The following RSPH14 variants were observed in gnomAD, a reference collection of about 807,000 sequenced individuals.
RSPH14 encodes rhabdoid tumor deletion region gene 1.
Under a neutral mutation model 26.7 loss-of-function variants are expected in RSPH14, and 20 were observed. That is an observed-to-expected ratio of 0.75 (90% CI 0.53 to 1.09). RSPH14 has a LOEUF of 1.09. Among genes scored for constraint, RSPH14 ranks in the 50% least tolerant of loss-of-function variants. The pLI is 0.00. For missense variants in RSPH14, 449 were observed against 457.2 expected, an observed-to-expected ratio of 0.98 and a Z score of 0.16; for synonymous variants, 177 against 189.3, an observed-to-expected ratio of 0.93 and a Z score of 0.53.
At chr22:23,081,470 T>G (rs2068675564) in intron 4 of RSPH14, among the ~76,000 whole-genome samples, 1 of 152,182 alleles carries the variant, frequency 6.6e-6, no homozygotes, top group Non-Finnish European at 1.5e-5. Flanking sequence ...CAGGTTTGAT[T>G]GCAACTTTTA....
At chr22:23,106,554 C>T (rs2069483482) in intron 4 of RSPH14, among the ~76,000 whole-genome samples, 1 of 152,178 alleles carries the variant, frequency 6.6e-6, no homozygotes, top group Non-Finnish European at 1.5e-5. Context: ...CCCAGCAGCA[C>T]AGTTCCTGAG....
At chr22:23,090,925 G>A (rs991887840) in intron 4 of RSPH14, among the ~76,000 whole-genome samples, 4 of 152,174 alleles carry the variant, frequency 2.6e-5, no homozygotes, top group African/African-American at 9.7e-5. Context: ...CAGAATCAAA[G>A]CCATGGTTTA....
chr22:23,132,458 G>A (rs1006014332), intron 4 of RSPH14, among the ~76,000 whole-genome samples: 5 of 152,202 alleles, frequency 3.3e-5, no homozygotes, highest in African/African-American at 1.2e-4. Context: ...GACAGGAACT[G>A]TATGCAACAT....
intron 4 of RSPH14, among the ~76,000 whole-genome samples, chr22:23,133,525 C>T (rs2070403559): frequency 1.3e-5 from 2 of 152,202 alleles, no homozygotes; most frequent in Admixed American, 6.5e-5. Flanking sequence ...GTGGCAGTTA[C>T]ACCACATGTT....
At chr22:23,162,253 C>T in the RSPH14 span, 1 of 221,170 alleles carries the variant, frequency 4.5e-6, no homozygotes, top group South Asian at 7.3e-5. Context: ...TAGGTCCTGC[C>T]CTCCTGGTCC....
chr22:23,158,843 CCT>C, the RSPH14 span: 153 of 1,532,228 alleles, frequency 1.0e-4, no homozygotes, highest in African/African-American at 1.2e-3. Context: ...CCCTCTGCCC[CCT>C]GTTTGGGGTG....
At chr22:23,086,047 T>C (rs1431436911) in intron 4 of RSPH14, among the ~76,000 whole-genome samples, 3 of 152,254 alleles carry the variant, frequency 2.0e-5, no homozygotes, top group African/African-American at 7.2e-5. Flanking sequence ...GCGGTTCCTC[T>C]ACACTGTTTT....
At chr22:23,107,819 C>CCTGCTTATCAAATGCCTCTTCAGTCTGTT (rs1271195806) in intron 4 of RSPH14, among the ~76,000 whole-genome samples, 7 of 152,220 alleles carry the variant, frequency 4.6e-5, no homozygotes, top group African/African-American at 1.7e-4. Context: ...CGGAAGAGCA[C>CCTGCTTATCAAATGCCTCTTCAGTCTGTT]CTGCTTATCA....
At chr22:23,110,277 A>C (rs1354324157) in intron 4 of RSPH14, among the ~76,000 whole-genome samples, 1 of 152,024 alleles carries the variant, frequency 6.6e-6, no homozygotes, top group African/African-American at 2.4e-5. Context: ...TCGTGAGCCC[A>C]GGAGCCTCTC....
chr22:23,059,893 G>A lies in RSPH14; in HGVS notation c.791-175C>T, dbSNP rs903312310. 9.8e-5 allele frequency among the ~76,000 whole-genome samples: 15 copies of A among 152,324 alleles called. No individual in the cohort carries two copies. The East Asian group carries it at 1.9e-3, about 20-fold the overall frequency. On this transcript the variant is annotated intron_variant, in intron 6 of 6. Transcript: ENST00000216036. The stretch of plus-strand genomic sequence containing the variant: ...GGGCTCTTGCACCTTCGCTGAGTCC[G>A]GCCTGGGCCTGGCCTCTTCATCTCC...
chr22:23,112,767 C>T (rs1260460774), intron 4 of RSPH14, among the ~76,000 whole-genome samples: 1 of 152,030 alleles, frequency 6.6e-6, no homozygotes, highest in African/African-American at 2.4e-5. Context: ...AGACGGACAC[C>T]AAGGTCAGAT....
the RSPH14 span, among the ~76,000 whole-genome samples, chr22:23,170,579 A>C: frequency 6.6e-6 from 1 of 151,708 alleles, no homozygotes; most frequent in African/African-American, 2.4e-5. Context: ...TGAAAAAAAA[A>C]CAAATTAGCC....
chr22:23,172,446 T>C, the RSPH14 span, among the ~76,000 whole-genome samples: 1 of 147,258 alleles, frequency 6.8e-6, no homozygotes, highest in Non-Finnish European at 1.5e-5. Flanking sequence ...CCAGGTGCAG[T>C]GGCTCAGCCT....
chr22:23,115,184 C>T (rs555240159), intron 4 of RSPH14, among the ~76,000 whole-genome samples: 1 of 152,258 alleles, frequency 6.6e-6, no homozygotes, highest in South Asian at 2.1e-4. Context: ...ACAGAGCCTT[C>T]CCCAGCCATG....
the RSPH14 span, chr22:23,161,132 A>C: frequency 3.5e-6 from 4 of 1,141,000 alleles, no homozygotes; most frequent in Middle Eastern, 2.0e-4. Context: ...CCCTCCTCTC[A>C]GGGTGTCACT....
chr22:23,149,210 G>T (rs1427876238), upstream of RSPH14, among the ~76,000 whole-genome samples: 1 of 129,756 alleles, frequency 7.7e-6, no homozygotes, highest in Non-Finnish European at 1.7e-5. Context: ...GGGGGGCGGG[G>T]GGCGGGACCC....
chr22:23,132,858 A>G (rs2070385664), intron 4 of RSPH14: 1 of 150,692 alleles, frequency 6.6e-6, no homozygotes, highest in African/African-American at 2.4e-5. Context: ...ACCCCTCCTT[A>G]GGCAATCTGG....
intron 5 of RSPH14, 65 bp downstream of exon 5, chr22:23,063,836 TG>T: frequency 6.6e-7 from 1 of 1,517,414 alleles, no homozygotes; most frequent in Non-Finnish European, 9.0e-7. Flanking sequence ...CCTTGAGCTC[TG>T]GACCAGTCCA....
intron 4 of RSPH14, among the ~76,000 whole-genome samples, chr22:23,080,920 T>A (rs1454398409): frequency 6.6e-6 from 1 of 152,216 alleles, no homozygotes; most frequent in African/African-American, 2.4e-5. Context: ...CAGTACAGGG[T>A]TGGCCCTCCA....
Sources: gnomAD v4.1 joint callset for allele counts (sites outside exome capture counted in the v4.1 genomes callset) on GRCh38, gnomAD v4.1.1 for gene constraint, MANE v1.5 for transcripts, NCBI Gene and HGNC (gene_info 2026-07-23, HGNC 2026-07-21) for gene names.